The following RFX7 variants were observed in gnomAD, a reference collection of about 807,000 sequenced individuals.
RFX7 encodes the protein regulatory factor X7, also known as DNA-binding protein RFX7.
Under a neutral mutation model 111.8 loss-of-function variants are expected in RFX7, and 26 were observed. The ratio of observed to expected loss-of-function variants is 0.23; its 90% CI spans 0.17 to 0.32. The LOEUF is 0.32. Ranked by LOEUF, RFX7 falls within the 10% of genes least tolerant of loss-of-function variation. RFX7 has a pLI of 1.00. For synonymous variants in RFX7, 624 were observed against 624.4 expected, an observed-to-expected ratio of 1.00 and a Z score of 0.01; for missense variants, 1,573 against 1,772.9, an observed-to-expected ratio of 0.89 and a Z score of 2.02.
intron 2 of RFX7, among the ~76,000 whole-genome samples, chr15:56,219,032 T>C (rs1181159733): frequency 6.6e-6 from 1 of 152,162 alleles, no homozygotes; most frequent in Non-Finnish European, 1.5e-5. Flanking sequence ...CATACAAACA[T>C]TAATACCTTC....
intron 2 of RFX7, among the ~76,000 whole-genome samples, chr15:56,185,925 T>C (rs2043033355): frequency 6.6e-6 from 1 of 152,190 alleles, no homozygotes; most frequent in Non-Finnish European, 1.5e-5. Flanking sequence ...AAAGATTATT[T>C]TTCAGAGGAG....
chr15:56,202,478 T>TAGAC (rs1182613595), intron 2 of RFX7, among the ~76,000 whole-genome samples: 36 of 152,288 alleles, frequency 2.4e-4, no homozygotes, highest in African/African-American at 8.7e-4. Context: ...GGACAGTGTA[T>TAGAC]GTCTATGGCA....
chr15:56,138,074 A>G (rs1450561833), intron 5 of RFX7, among the ~76,000 whole-genome samples: 2 of 144,744 alleles, frequency 1.4e-5, no homozygotes, highest in Non-Finnish European at 3.0e-5. Flanking sequence ...TGTGGTGCTG[A>G]AAAAAATGTA....
chr15:56,186,494 T>C (rs1464080651), intron 2 of RFX7, among the ~76,000 whole-genome samples: 1 of 152,160 alleles, frequency 6.6e-6, no homozygotes, highest in African/African-American at 2.4e-5. Flanking sequence ...ATATAACCTT[T>C]CTGTATATAT....
At chr15:56,129,236 G>A (rs185265207) in intron 5 of RFX7, among the ~76,000 whole-genome samples, 240 of 152,152 alleles carry the variant, frequency 1.6e-3, no homozygotes, top group African/African-American at 5.6e-3. Context: ...TTAGCCAGGC[G>A]TGGTGGTGCA....
At chr15:56,242,820 A>G (rs1468377192) in intron 2 of RFX7, among the ~76,000 whole-genome samples, 4 of 152,380 alleles carry the variant, frequency 2.6e-5, no homozygotes, top group East Asian at 1.9e-4. Flanking sequence ...CCATCATGCA[A>G]TATGACTTAA....
rs369947627 is a variant in RFX7, at chr15:56,174,510, A to C, written c.195+4760T>G. On this transcript the variant is annotated intron_variant, in intron 3 of 9. Transcript: ENST00000559447. ...TAATCCCATCTCAAAGCACTTTGGG[A>C]GGCGAAGGTAGGCAGACCATGAGGT... Among the ~76,000 whole-genome samples the C allele has an allele frequency of 1.3e-5, 2 of 152,204 alleles. 1 individual carries two copies.
chr15:56,137,323 T>C (rs1422014087), intron 5 of RFX7, among the ~76,000 whole-genome samples: 1 of 152,246 alleles, frequency 6.6e-6, no homozygotes, highest in African/African-American at 2.4e-5. Context: ...GATATTCAAC[T>C]TCTTCCTGGT....
chr15:56,144,720 A>C lies in RFX7; in HGVS notation c.196-237T>G, dbSNP rs558235536. ...TATTAGTTCTTACATCATGGGCATA[A>C]ATAGAATTATTGACCAAGGCTCAAA... On this transcript the variant is annotated intron_variant, in intron 3 of 9. Coordinates refer to ENST00000559447, the MANE Select transcript of RFX7 (RefSeq NM_022841.7). 1.0e-3 allele frequency among the ~76,000 whole-genome samples: 159 copies of C among 152,230 alleles called. 1 individual carries two copies. Among genetic ancestry groups the C allele is most frequent in the Non-Finnish European group, 2.0e-3 (138 of 67,972 alleles).
At chr15:56,140,570 C>T (rs1017181003) in intron 5 of RFX7, among the ~76,000 whole-genome samples, 2 of 152,150 alleles carry the variant, frequency 1.3e-5, no homozygotes, top group African/African-American at 2.4e-5. Context: ...CAGAAATCAC[C>T]GTCTTCTGCG....
chr15:56,167,986 TA>T (rs527580582), intron 3 of RFX7, among the ~76,000 whole-genome samples: 58 of 152,282 alleles, frequency 3.8e-4, no homozygotes, highest in African/African-American at 1.4e-3. Context: ...TTTGGAAAAA[TA>T]AGGAACATTT....
rs2043628280 is a variant in RFX7, at chr15:56,236,795, A to G, written c.161+6330T>C. Among the ~76,000 whole-genome samples, 5 of 152,236 alleles carry G rather than the reference A, an allele frequency of 3.3e-5. No homozygotes were observed. In the South Asian group the frequency reaches 1.0e-3, roughly 32 times the overall value. On this transcript the variant is annotated intron_variant, in intron 2 of 9. Coordinates refer to ENST00000559447, the MANE Select transcript of RFX7 (RefSeq NM_022841.7). ...ATAAAGAAGACAAAACAAAAGCAGCACACAAACAGCCTCCCTACTACAATC... is the reference window on the plus strand; with the variant it reads ...ATAAAGAAGACAAAACAAAAGCAGCGCACAAACAGCCTCCCTACTACAATC...
chr15:56,102,103 GATGC>G, intron 7 of RFX7, 62 bp downstream of exon 7: 1 of 1,149,814 alleles, frequency 8.7e-7, no homozygotes, highest in Non-Finnish European at 1.3e-6. Flanking sequence ...GACTTTGCAG[GATGC>G]ATTTCAATGT....
At chr15:56,107,742 T>C (rs1203702383) in intron 5 of RFX7, among the ~76,000 whole-genome samples, 1 of 152,146 alleles carries the variant, frequency 6.6e-6, no homozygotes, top group Non-Finnish European at 1.5e-5. Flanking sequence ...TGCTAATTGA[T>C]AACTATAAGC....
At chr15:56,149,647 C>T (rs2042539799) in intron 3 of RFX7, among the ~76,000 whole-genome samples, 1 of 152,128 alleles carries the variant, frequency 6.6e-6, no homozygotes, top group Non-Finnish European at 1.5e-5. Flanking sequence ...AGGGACTGAG[C>T]CTGAAGAACT....
intron 2 of RFX7, among the ~76,000 whole-genome samples, chr15:56,240,730 G>A (rs1329772713): frequency 6.6e-6 from 1 of 152,078 alleles, no homozygotes; most frequent in East Asian, 1.9e-4. Flanking sequence ...GGCACCAAAG[G>A]ATGATTCAGG....
rs1265275008 is a variant in RFX7 at position 56,089,430 on chromosome 15, C to G, written c.*3915G>C. ...AACCATTGAATGAACCCTTGAACCT[C>G]CTATCTCCACTATTATTAAGCTAAA... On this transcript the variant is annotated 3_prime_UTR_variant, in exon 10 of 10. Coordinates refer to ENST00000559447, the MANE Select transcript of RFX7 (RefSeq NM_022841.7). 1 of 152,460 alleles carries G rather than the reference C, an allele frequency of 6.6e-6. No individual in the cohort carries two copies. The highest frequency in any genetic ancestry group is 2.4e-5 in the African/African-American group (1 of 41,400). 9.4% of individuals were successfully genotyped at this position (152,460 alleles called of 1,614,324 possible).
At chr15:56,193,311 G>C (rs118190341) in intron 2 of RFX7, 3 of 152,206 alleles carry the variant, frequency 2.0e-5, no homozygotes, top group Admixed American at 2.0e-4. Context: ...CAGGAAAGGC[G>C]CGTGTGGTGT....
intron 5 of RFX7, among the ~76,000 whole-genome samples, chr15:56,115,958 A>T (rs1234504728): frequency 6.6e-6 from 1 of 152,064 alleles, no homozygotes; most frequent in Non-Finnish European, 1.5e-5. Flanking sequence ...AAAAAAAAAA[A>T]ATTTAACTGC....
Sources: allele counts gnomAD v4.1 joint callset (sites outside exome capture counted in the v4.1 genomes callset), GRCh38; gene constraint gnomAD v4.1.1; transcripts MANE v1.5; gene names NCBI Gene and HGNC (gene_info 2026-07-23, HGNC 2026-07-21).